Variants in EHBP1 observed in about 807,000 individuals in gnomAD.
The protein encoded by EHBP1 is EH domain-binding protein 1.
A neutral mutation model predicts 144.0 loss-of-function variants in EHBP1; 55 were observed. The observed-to-expected ratio is 0.38, with a 90% confidence interval of 0.31 to 0.48. EHBP1 has a LOEUF of 0.48. EHBP1 is among the 20% of genes least tolerant of loss of function. The probability of loss-of-function intolerance (pLI) is 0.98; values close to 1 mark genes in which losing one functional copy is unlikely to be tolerated. For synonymous variants in EHBP1, 469 were observed against 472.7 expected (o/e 0.99, Z 0.10); for missense variants, 1,200 against 1,364.2 (o/e 0.88, Z 1.90).
intron 10 of EHBP1, among the ~76,000 whole-genome samples, chr2:62,942,329 AT>A (rs2056805340): frequency 6.6e-6 from 1 of 152,200 alleles, no homozygotes; most frequent in African/African-American, 2.4e-5. Flanking sequence ...GAAATACATT[AT>A]TTTTAACCTA....
chr2:62,768,890 A>G (rs1376739676), intron 4 of EHBP1, among the ~76,000 whole-genome samples: 3 of 152,262 alleles, frequency 2.0e-5, no homozygotes, highest in African/African-American at 7.2e-5. Context: ...GATTCATTAC[A>G]TAAATAGAAC....
chr2:63,033,379 G>A (rs1232904172), intron 19 of EHBP1, among the ~76,000 whole-genome samples: 1 of 152,084 alleles, frequency 6.6e-6, no homozygotes, highest in African/African-American at 2.4e-5. Context: ...TCACCACTAT[G>A]GGGCTATGGC....
Position 62,771,319 on chromosome 2 carries a change from A to T in EHBP1, c.259-20A>T, listed in dbSNP as rs764938164. The T allele has an allele frequency of 7.0e-6, 11 of 1,580,732 alleles. No individual in the cohort carries two copies. The highest frequency in any genetic ancestry group is 9.5e-6 in the Non-Finnish European group (11 of 1,159,304). ...AAGACATGTATTTCAATTCCATTTC[A>T]TATTTTGCTTTTGTTACAGGATCCT... On this transcript the variant is annotated intron_variant, in intron 4 of 22. Coordinates refer to ENST00000431489, the MANE Select transcript of EHBP1 (RefSeq NM_001142616.3).
At chr2:62,977,054 G>A (rs548873932) in intron 14 of EHBP1, among the ~76,000 whole-genome samples, 1 of 151,138 alleles carries the variant, frequency 6.6e-6, no homozygotes, top group South Asian at 2.1e-4. Context: ...AGTTTCCTTG[G>A]ACTCTTATAA....
At chr2:63,021,402 T>C (rs1418062461) in intron 19 of EHBP1, among the ~76,000 whole-genome samples, 1 of 152,180 alleles carries the variant, frequency 6.6e-6, no homozygotes, top group Non-Finnish European at 1.5e-5. Flanking sequence ...TTTTCACAGA[T>C]AGATTAATAA....
chr2:62,741,719 T>A (rs184378189), intron 2 of EHBP1, among the ~76,000 whole-genome samples: 2 of 152,224 alleles, frequency 1.3e-5, no homozygotes, highest in East Asian at 3.9e-4. Flanking sequence ...CAGTCTGCCC[T>A]CCTTATCCGC....
intron 7 of EHBP1, among the ~76,000 whole-genome samples, chr2:62,856,952 CATGTG>C (rs796902894): frequency 6.6e-6 from 1 of 152,254 alleles, no homozygotes; most frequent in South Asian, 2.1e-4. Flanking sequence ...AAAGTCATCA[CATGTG>C]ATGTGAGAAC....
chr2:62,959,045 C>T (rs2057863686), intron 14 of EHBP1, among the ~76,000 whole-genome samples: 1 of 152,200 alleles, frequency 6.6e-6, no homozygotes, highest in South Asian at 2.1e-4. Flanking sequence ...TCCCTCCCTC[C>T]AGTCCCTGTC....
chr2:62,820,168 G>C (rs866968294), intron 5 of EHBP1, among the ~76,000 whole-genome samples: 1 of 146,020 alleles, frequency 6.8e-6, no homozygotes, highest in African/African-American at 2.5e-5. Flanking sequence ...ATGAGATCGT[G>C]CCAATGCGCT....
chr2:62,881,889 C>G (rs1405259514), intron 10 of EHBP1: 2 of 151,988 alleles, frequency 1.3e-5, no homozygotes, highest in Non-Finnish European at 2.9e-5. Flanking sequence ...ATTCTCATAG[C>G]TGGTAATGTT....
At chr2:62,859,765 A>ATATATT in intron 8 of EHBP1, among the ~76,000 whole-genome samples, 1 of 152,156 alleles carries the variant, frequency 6.6e-6, no homozygotes, top group East Asian at 1.9e-4. Context: ...TTATATATAT[A>ATATATT]TATACAGCAT....
intron 4 of EHBP1, among the ~76,000 whole-genome samples, chr2:62,769,788 G>A (rs1262540657): frequency 7.2e-6 from 1 of 138,306 alleles, no homozygotes; most frequent in Non-Finnish European, 1.6e-5. Flanking sequence ...AAACAGCATG[G>A]TACTGGTAAA....
chr2:62,852,979 C>T (rs747044267), intron 7 of EHBP1, among the ~76,000 whole-genome samples: 13 of 152,192 alleles, frequency 8.5e-5, no homozygotes, highest in African/African-American at 1.9e-4. Context: ...GTATTAATTG[C>T]GTTTACTTTC....
chr2:62,920,260 A>G (rs1347479296), intron 10 of EHBP1, among the ~76,000 whole-genome samples: 1 of 152,216 alleles, frequency 6.6e-6, no homozygotes, highest in Non-Finnish European at 1.5e-5. Context: ...AAGGATCCTC[A>G]TATCAGCAGA....
chr2:62,793,649 T>C (rs2043328527), intron 5 of EHBP1, among the ~76,000 whole-genome samples: 1 of 152,124 alleles, frequency 6.6e-6, no homozygotes, highest in African/African-American at 2.4e-5. Flanking sequence ...AATGGTCTTA[T>C]TACCTTTCAG....
rs547257991 is a variant in EHBP1 at position 62,926,297 on chromosome 2, C to A, written c.1186-16421C>A. Among the ~76,000 whole-genome samples the A allele has an allele frequency of 2.7e-4, 41 of 152,200 alleles. No homozygotes were observed. The South Asian group carries it at 8.1e-3, about 30-fold the overall frequency. The stretch of plus-strand genomic sequence containing the variant: ...AAGACATAGTGGAAACACTTCAAGA[C>A]CTCAAACGCATAGGCAGCAAAAGCA... On this transcript the variant is annotated intron_variant, in intron 10 of 22. Coordinates refer to ENST00000431489, the MANE Select transcript of EHBP1 (RefSeq NM_001142616.3).
rs116292022 is a variant in EHBP1, at chr2:62,746,998, A to T, written c.105-397A>T. On this transcript the variant is annotated intron_variant, in intron 2 of 22. Coordinates refer to ENST00000431489, the MANE Select transcript of EHBP1 (RefSeq NM_001142616.3). The stretch of plus-strand genomic sequence containing the variant: ...ACAGAGATGCAAAAGTAGTGAATTC[A>T]TAGATTTAAATTATTTTGCAAGTGC... Among the ~76,000 whole-genome samples, 849 of 152,228 alleles carry T rather than the reference A, an allele frequency of 5.6e-3. 1 individual carries two copies. Among genetic ancestry groups the T allele is most frequent in the Non-Finnish European group, 9.7e-3 (662 of 67,980 alleles).
Position 62,829,579 on chromosome 2 carries a change from G to A in EHBP1, c.495-1440G>A, listed in dbSNP as rs1256866045. Among the ~76,000 whole-genome samples, 5 of 146,984 alleles carry A rather than the reference G, an allele frequency of 3.4e-5. 1 individual carries two copies. In the Middle Eastern group the frequency reaches 0.014, roughly 426 times the overall value. On this transcript the variant is annotated intron_variant, in intron 6 of 22. Coordinates refer to ENST00000431489, the MANE Select transcript of EHBP1 (RefSeq NM_001142616.3). ...CTGAGTGGTGTTCTATGTTGTGTGT[G>A]TGTGTGTGTGTGTGTGTATATATAT...
chr2:62,960,243 C>T (rs139356598), intron 14 of EHBP1, among the ~76,000 whole-genome samples: 1 of 152,148 alleles, frequency 6.6e-6, no homozygotes, highest in East Asian at 1.9e-4. Context: ...AATCCTGTCC[C>T]CTCCCTTTAC....
Sources: allele counts gnomAD v4.1 joint callset (sites outside exome capture counted in the v4.1 genomes callset), GRCh38; gene constraint gnomAD v4.1.1; transcripts MANE v1.5; gene names NCBI Gene and HGNC (gene_info 2026-07-23, HGNC 2026-07-21).